The following RASGEF1A variants were observed in gnomAD, a reference collection of about 807,000 sequenced individuals.
The protein encoded by RASGEF1A is RasGEF domain family member 1A.
In RASGEF1A, 18 loss-of-function variants were observed where a neutral mutation model predicts 56.4. That is an observed-to-expected ratio of 0.32 (90% confidence interval 0.22 to 0.47). The LOEUF (loss-of-function observed/expected upper bound fraction) is 0.47, where lower values mean the gene tolerates loss of function less well. Among genes scored for constraint, RASGEF1A ranks in the 20% least tolerant of loss-of-function variants. RASGEF1A has a pLI of 1.00. For missense variants in RASGEF1A, 422 were observed against 627.1 expected (o/e 0.67, Z 3.49); for synonymous variants, 245 against 242.6 (o/e 1.01, Z -0.09).
At chr10:43,205,048 G>C (rs376628953) in intron 2 of RASGEF1A, among the ~76,000 whole-genome samples, 5 of 152,244 alleles carry the variant, frequency 3.3e-5, no homozygotes, top group African/African-American at 9.6e-5. Flanking sequence ...CAAAGCCCAG[G>C]AAGGCAGTGG....
rs1839779373 is a variant in RASGEF1A at position 43,195,228 on chromosome 10, C to G, written c.*1016G>C. The G allele has an allele frequency of 1.3e-5, 2 of 152,274 alleles. No homozygotes were observed. Among genetic ancestry groups the G allele is most frequent in the Admixed American group, 1.3e-4 (2 of 15,280 alleles). The allele number at this position is 152,274 out of a possible 1,614,324, so 9.4% of individuals were successfully genotyped here. ...CAGACATGGGAAAATGGAGTGTGCTCCTCTAGCTGGGTGTAGAAAACACCT... is the reference window on the plus strand; with the variant it reads ...CAGACATGGGAAAATGGAGTGTGCTGCTCTAGCTGGGTGTAGAAAACACCT... On this transcript the variant is annotated 3_prime_UTR_variant, in exon 13 of 13. Transcript: ENST00000395810. This position sits in a 1 kb window ranked among gnomAD's most constrained non-coding sequence, Gnocchi z 4.2.
rs139400935 is a variant in RASGEF1A at position 43,203,588 on chromosome 10, T to C, written c.199-168A>G. The C allele has an allele frequency of 3.2e-4, 403 of 1,263,048 alleles. No homozygotes were observed. In the East Asian group the frequency reaches 0.011, roughly 34 times the overall value. 78.2% of individuals were successfully genotyped at this position (1,263,048 alleles called of 1,614,324 possible). A position where few individuals can be genotyped will look rare whatever the true frequency, so the allele number is the denominator to read the frequency against. ...TCGCCTTGCAGGCCCTTCCTCCTCTTACTGCTACCCCGGCCCTGCCTACCT... is the reference window on the plus strand; with the variant it reads ...TCGCCTTGCAGGCCCTTCCTCCTCTCACTGCTACCCCGGCCCTGCCTACCT... On this transcript the variant is annotated intron_variant, in intron 2 of 12. Transcript: ENST00000395810.
At chr10:43,248,364 TAAAAAAAA>T (rs34561814) in intron 1 of RASGEF1A, among the ~76,000 whole-genome samples, 4 of 111,420 alleles carry the variant, frequency 3.6e-5, no homozygotes, top group Non-Finnish European at 7.1e-5. Context: ...ACTCGGTCTT[TAAAAAAAA>T]AAAAAAAAAA....
chr10:43,204,085 G>C (rs1291946570), intron 2 of RASGEF1A, among the ~76,000 whole-genome samples: 1 of 152,190 alleles, frequency 6.6e-6, no homozygotes, highest in Non-Finnish European at 1.5e-5. Context: ...TCGTGGGCTG[G>C]GTTCTTGGGC....
At chr10:43,217,739 C>T (rs922820410) in intron 1 of RASGEF1A, among the ~76,000 whole-genome samples, 4 of 152,204 alleles carry the variant, frequency 2.6e-5, no homozygotes, top group African/African-American at 4.8e-5. Context: ...ACAGCAGGTG[C>T]GCCACATCAG....
intron 1 of RASGEF1A, among the ~76,000 whole-genome samples, chr10:43,260,423 G>A (rs990233209): frequency 1.1e-4 from 17 of 152,164 alleles, no homozygotes; most frequent in Non-Finnish European, 1.8e-4. Flanking sequence ...CTCTGCACTC[G>A]GTGCACCACC....
chr10:43,262,241 C>A (rs1278967877), intron 1 of RASGEF1A, among the ~76,000 whole-genome samples: 1 of 152,188 alleles, frequency 6.6e-6, no homozygotes, highest in Non-Finnish European at 1.5e-5. Context: ...TCCCGCCAGC[C>A]TCCTCCACGG....
In RASGEF1A at chr10:43,198,282, G is replaced by A. The variant is rs751148899; in HGVS notation, c.1033-87C>T. Reference sequence around the variant, plus strand: ...ATGCCCCTCTGCAGAGCAGGAGGCAGCAGACAGAGAAGGCACCTGGCCCCT... The same window carrying A: ...ATGCCCCTCTGCAGAGCAGGAGGCAACAGACAGAGAAGGCACCTGGCCCCT... On this transcript the variant is annotated intron_variant, in intron 9 of 12. Transcript: ENST00000395810. 206 of 1,211,406 alleles carry A rather than the reference G, an allele frequency of 1.7e-4. 1 individual carries two copies. Among genetic ancestry groups the A allele is most frequent in the Non-Finnish European group, 2.3e-4 (202 of 887,522 alleles). The allele number at this position is 1,211,406 out of a possible 1,614,324, so 75.0% of individuals were successfully genotyped here.
At chr10:43,250,171 T>G (rs918203712) in intron 1 of RASGEF1A, among the ~76,000 whole-genome samples, 5 of 152,236 alleles carry the variant, frequency 3.3e-5, no homozygotes, top group African/African-American at 1.2e-4. Context: ...TCTGGCACTG[T>G]GTACCCTTGG....
In RASGEF1A at chr10:43,196,107, T is replaced by G. The variant is rs1839792744; in HGVS notation, c.*137A>C. 3 of 802,976 alleles carry G rather than the reference T, an allele frequency of 3.7e-6. No individual in the cohort carries two copies. The highest frequency in any genetic ancestry group is 5.9e-6 in the Non-Finnish European group (3 of 509,506). The allele number at this position is 802,976 out of a possible 1,614,324, so 49.7% of individuals were successfully genotyped here. On this transcript the variant is annotated 3_prime_UTR_variant, in exon 13 of 13. Transcript: ENST00000395810. The surrounding 1 kb of genome is among the most constrained non-coding windows in gnomAD (Gnocchi z 4.6). Reference sequence around the variant, plus strand: ...TGCCAAAGGTTGATGCGTGAAATAATTACCATTTTTTTCTCATAAAAGTTA... The same window carrying G: ...TGCCAAAGGTTGATGCGTGAAATAAGTACCATTTTTTTCTCATAAAAGTTA...
intron 1 of RASGEF1A, among the ~76,000 whole-genome samples, chr10:43,242,742 G>A (rs531094771): frequency 1.2e-4 from 19 of 152,058 alleles, no homozygotes; most frequent in Admixed American, 3.3e-4. Flanking sequence ...TGTGTTGACC[G>A]GGCTGGTTTC....
intron 1 of RASGEF1A, among the ~76,000 whole-genome samples, chr10:43,230,058 C>A (rs1208369713): frequency 6.6e-6 from 1 of 151,640 alleles, no homozygotes; most frequent in African/African-American, 2.4e-5. Context: ...GGGGTCGGTG[C>A]TGGCGCGCGG....
chr10:43,229,104 G>A (rs1439613082), intron 1 of RASGEF1A, among the ~76,000 whole-genome samples: 1 of 152,138 alleles, frequency 6.6e-6, no homozygotes, highest in Non-Finnish European at 1.5e-5. Context: ...CAGCGCCCTC[G>A]CCCTGGAGCG....
In RASGEF1A at chr10:43,259,867, C is replaced by T. The variant is rs866628983; in HGVS notation, c.-7+6978G>A. On this transcript the variant is annotated intron_variant, in intron 1 of 12. Transcript: ENST00000395810. Reference sequence around the variant, plus strand: ...AGGCACACAGGCAGGGGAAACCACTCACAAAGGCAGGAAGGGGGATGGCCA... The same window carrying T: ...AGGCACACAGGCAGGGGAAACCACTTACAAAGGCAGGAAGGGGGATGGCCA... Among the ~76,000 whole-genome samples the T allele has an allele frequency of 2.6e-5, 4 of 152,016 alleles. No homozygotes were observed. In the Middle Eastern group the frequency reaches 0.01, roughly 388 times the overall value.
At chr10:43,205,894 A>G (rs1406358624) in intron 2 of RASGEF1A, 25 bp downstream of exon 2, 1 of 1,588,488 alleles carries the variant, frequency 6.3e-7, no homozygotes, top group Non-Finnish European at 8.6e-7. Context: ...CATTAGTCTC[A>G]CTCCACAAGG....
chr10:43,212,519 G>A (rs1392419646), intron 1 of RASGEF1A, among the ~76,000 whole-genome samples: 2 of 152,182 alleles, frequency 1.3e-5, no homozygotes, highest in African/African-American at 4.8e-5. Context: ...ATTGGTGGTC[G>A]GCCTGGGGCA....
chr10:43,255,371 G>A (rs1487243684), intron 1 of RASGEF1A, among the ~76,000 whole-genome samples: 2 of 152,120 alleles, frequency 1.3e-5, no homozygotes, highest in Non-Finnish European at 2.9e-5. Context: ...CCTGGACAGT[G>A]GGGCAGGCTG....
chr10:43,199,563 G>T, intron 7 of RASGEF1A, 113 bp downstream of exon 7: 1 of 837,920 alleles, frequency 1.2e-6, no homozygotes, highest in Non-Finnish European at 2.0e-6. Flanking sequence ...AATGCAACAG[G>T]GACTTTGTGC....
intron 10 of RASGEF1A, 151 bp downstream of exon 10, chr10:43,197,853 G>A (rs2133176818): frequency 3.2e-6 from 2 of 621,838 alleles, no homozygotes; most frequent in Non-Finnish European, 5.5e-6. Context: ...AGCACCCCGT[G>A]ACCCACTATG....
Sources: gnomAD v4.1 joint callset for allele counts (sites outside exome capture counted in the v4.1 genomes callset) on GRCh38, gnomAD v4.1.1 for gene constraint, Gnocchi (gnomAD v3.1) non-coding constraint, MANE v1.5 for transcripts, NCBI Gene and HGNC (gene_info 2026-07-23, HGNC 2026-07-21) for gene names.